Variants in LAMA2 observed in about 807,000 individuals in gnomAD.
The protein encoded by LAMA2 is laminin subunit alpha-2.
Under a neutral mutation model 364.8 loss-of-function variants are expected in LAMA2, and 269 were observed. The observed-to-expected ratio is 0.74, with a 90% CI of 0.67 to 0.82. LAMA2 has a LOEUF of 0.82. Among genes scored for constraint, LAMA2 ranks in the 40% least tolerant of loss-of-function variants. The pLI is 0.00. For missense variants in LAMA2, 3,807 were observed against 3,873.2 expected, an observed-to-expected ratio of 0.98 and a Z score of 0.45; for synonymous variants, 1,379 against 1,370.6, an observed-to-expected ratio of 1.01 and a Z score of -0.14.
chr6:129,105,549 G>C (rs1775768391), intron 4 of LAMA2, among the ~76,000 whole-genome samples: 1 of 152,170 alleles, frequency 6.6e-6, no homozygotes, highest in African/African-American at 2.4e-5. Flanking sequence ...CTGGCTTAAT[G>C]TTCAGCTATT....
intron 12 of LAMA2, among the ~76,000 whole-genome samples, chr6:129,200,357 T>TACACGTGTAC (rs1782182895): frequency 2.2e-5 from 3 of 137,986 alleles, no homozygotes; most frequent in Non-Finnish European, 4.9e-5. Context: ...TGTACACATA[T>TACACGTGTAC]ACATATACAC....
At chr6:129,394,876 G>T (rs749251476) in intron 37 of LAMA2, among the ~76,000 whole-genome samples, 1 of 152,050 alleles carries the variant, frequency 6.6e-6, no homozygotes, top group Non-Finnish European at 1.5e-5. Flanking sequence ...ATGTATAGTC[G>T]GTATTGAAAT....
chr6:129,450,629 G>A (rs1782629079), intron 45 of LAMA2, among the ~76,000 whole-genome samples: 1 of 152,072 alleles, frequency 6.6e-6, no homozygotes, highest in Non-Finnish European at 1.5e-5. Flanking sequence ...CCTCAACTGT[G>A]TTTTTTAAAC....
rs1238731230 is a variant in LAMA2 at position 129,314,295 on chromosome 6, A to G, written c.3412-360A>G. Among the ~76,000 whole-genome samples the G allele has an allele frequency of 2.0e-5, 3 of 150,786 alleles. No homozygotes were observed. The East Asian group carries it at 6.0e-4, about 30-fold the overall frequency. On this transcript the variant is annotated intron_variant, in intron 23 of 64. Transcript: ENST00000421865. ...GCGCCTGTAGTCCCATCTACTCGGA[A>G]GGCTGAGGCCGGAGAATGGTGTGAA...
chr6:129,213,374 A>G (rs1033416966), intron 12 of LAMA2, among the ~76,000 whole-genome samples: 1 of 152,214 alleles, frequency 6.6e-6, no homozygotes, highest in Admixed American at 6.5e-5. Context: ...TAAATATTCA[A>G]CTTATTTGGG....
At chr6:128,921,822 G>A (rs997967239) in intron 1 of LAMA2, among the ~76,000 whole-genome samples, 2 of 150,276 alleles carry the variant, frequency 1.3e-5, no homozygotes, top group African/African-American at 4.9e-5. Context: ...TCGTCATCTA[G>A]CATTAGGTAT....
intron 20 of LAMA2, among the ~76,000 whole-genome samples, chr6:129,295,817 G>C (rs902435674): frequency 8.1e-6 from 1 of 123,558 alleles, no homozygotes; most frequent in Admixed American, 8.4e-5. Flanking sequence ...GTATATATAT[G>C]TGTTTATACA....
intron 1 of LAMA2, among the ~76,000 whole-genome samples, chr6:128,947,978 G>A (rs1780583941): frequency 2.0e-5 from 3 of 152,016 alleles, no homozygotes; most frequent in Admixed American, 1.3e-4. Context: ...GGAGGAGAAA[G>A]AAAAGATCTT....
intron 3 of LAMA2, among the ~76,000 whole-genome samples, chr6:129,073,095 T>G (rs1468989350): frequency 6.6e-6 from 1 of 152,146 alleles, no homozygotes; most frequent in Non-Finnish European, 1.5e-5. Flanking sequence ...TTCTTTACTT[T>G]TGAGACTTAT....
At chr6:129,492,216 G>T in intron 57 of LAMA2, 99 bp from the exon 58 acceptor site, 2 of 1,436,394 alleles carry the variant, frequency 1.4e-6, no homozygotes, top group Non-Finnish European at 9.8e-7. Flanking sequence ...ACTGAGAAAA[G>T]CACACTAATG....
chr6:129,395,151 A>C (rs1779534031), intron 37 of LAMA2, among the ~76,000 whole-genome samples: 2 of 151,902 alleles, frequency 1.3e-5, no homozygotes, highest in Admixed American at 1.3e-4. Flanking sequence ...CCATGTGTAC[A>C]TTCTAACACT....
intron 10 of LAMA2, among the ~76,000 whole-genome samples, chr6:129,187,732 C>A (rs2115030350): frequency 6.6e-6 from 1 of 151,940 alleles, no homozygotes; most frequent in African/African-American, 2.4e-5. Flanking sequence ...AGAATACATA[C>A]TGGCTGATCA....
At chr6:128,917,791 T>C (rs991832652) in intron 1 of LAMA2, among the ~76,000 whole-genome samples, 16 of 146,100 alleles carry the variant, frequency 1.1e-4, no homozygotes, top group Non-Finnish European at 1.9e-4. Context: ...TGAAGTGCAG[T>C]GGCAGGATCA....
chr6:129,350,105 T>C (rs1044209983), intron 31 of LAMA2, among the ~76,000 whole-genome samples: 2 of 152,182 alleles, frequency 1.3e-5, no homozygotes, highest in African/African-American at 4.8e-5. Flanking sequence ...GTAAGATCAG[T>C]ATCCTGGATA....
At chr6:128,997,964 G>A (rs182761891) in intron 1 of LAMA2, among the ~76,000 whole-genome samples, 2 of 152,192 alleles carry the variant, frequency 1.3e-5, no homozygotes, top group Non-Finnish European at 2.9e-5. Context: ...AGGAAGGAGA[G>A]AGTGAAATCA....
In LAMA2 at chr6:129,356,095, C is replaced by G. The variant is rs888930670; in HGVS notation, c.4717+2738C>G. Among the ~76,000 whole-genome samples, 3 of 152,062 alleles carry G rather than the reference C, an allele frequency of 2.0e-5. 1 individual carries two copies. Among genetic ancestry groups the G allele is most frequent in the African/African-American group, 7.2e-5 (3 of 41,426 alleles). On this transcript the variant is annotated intron_variant, in intron 32 of 64. Coordinates refer to ENST00000421865, the MANE Select transcript of LAMA2 (RefSeq NM_000426.4). ...GTCCCTAAAAGATACTTATAGCTTC[C>G]AGGGACAGTTGCCAGTGACCCCTGG... is the stretch of plus-strand genomic sequence containing the variant.
chr6:129,122,630 C>A (rs1776862936), intron 4 of LAMA2, among the ~76,000 whole-genome samples: 1 of 152,138 alleles, frequency 6.6e-6, no homozygotes, highest in South Asian at 2.1e-4. Flanking sequence ...ATTCAGCAAT[C>A]TCCAGGTTTA....
At chr6:129,409,894 A>G (rs1780439833) in intron 40 of LAMA2, among the ~76,000 whole-genome samples, 1 of 152,190 alleles carries the variant, frequency 6.6e-6, no homozygotes, top group South Asian at 2.1e-4. Context: ...CCCAGGAACA[A>G]TGCTTTGCAT....
intron 8 of LAMA2, chr6:129,157,578 A>C: frequency 1.2e-6 from 2 of 1,612,942 alleles, no homozygotes; most frequent in African/African-American, 2.7e-5. Flanking sequence ...CTTAATTCTC[A>C]ACGCTGTGAG....
Sources: allele counts gnomAD v4.1 joint callset (sites outside exome capture counted in the v4.1 genomes callset), GRCh38; gene constraint gnomAD v4.1.1; transcripts MANE v1.5; gene names NCBI Gene and HGNC (gene_info 2026-07-23, HGNC 2026-07-21).